Variants in PKHD1L1 observed in about 807,000 individuals in gnomAD.
The protein encoded by PKHD1L1 is PKHD1 like 1, also known as fibrocystin-L.
PKHD1L1 carries 434 observed loss-of-function variants against 462.9 expected under a neutral mutation model. The ratio of observed to expected loss-of-function variants is 0.94; its 90% CI spans 0.87 to 1.02. The LOEUF (loss-of-function observed/expected upper bound fraction) is 1.02. Among genes scored for constraint, PKHD1L1 ranks in the 50% least tolerant of loss-of-function variants. The pLI is 0.00. For missense variants in PKHD1L1, 5,202 were observed against 5,096.1 expected (o/e 1.02, Z -0.63); for synonymous variants, 1,781 against 1,750.0 (o/e 1.02, Z -0.44).
rs763756294 is a variant in PKHD1L1, at chr8:109,456,241, CAG to C, written c.6875-20_6875-19del. On this transcript the variant is annotated intron_variant, in intron 45 of 77. Coordinates refer to ENST00000378402, the MANE Select transcript of PKHD1L1 (RefSeq NM_177531.6). The stretch of plus-strand genomic sequence containing the variant: ...AATCAAACACATGTAAGGAAATACT[CAG>C]TGTGTATGTTGGTTCTAGGTGTGCC... 1.3e-6 allele frequency: 2 copies of C among 1,593,660 alleles called. No individual in the cohort carries two copies. Among genetic ancestry groups the C allele is most frequent in the Non-Finnish European group, 1.7e-6 (2 of 1,172,388 alleles).
At chr8:109,458,629 C>G (rs1296164930) in intron 46 of PKHD1L1, among the ~76,000 whole-genome samples, 1 of 152,040 alleles carries the variant, frequency 6.6e-6, no homozygotes, top group African/African-American at 2.4e-5. Context: ...GTTGAGAGAG[C>G]TGCTTTGAAT....
intron 16 of PKHD1L1, among the ~76,000 whole-genome samples, chr8:109,405,884 TTCA>T (rs1160602777): frequency 3.3e-5 from 5 of 152,138 alleles, no homozygotes; most frequent in Non-Finnish European, 5.9e-5. Context: ...AGGAATTAAA[TTCA>T]TCATTGCACA....
Position 109,485,147 on chromosome 8 carries a change from A to G in PKHD1L1, c.9680A>G (p.Asn3227Ser). ...CATGATCATAAAATTCTCATTCTTA[A>G]TGATAGCCTTTCCTATACTCACTTT... ...ILHDHKILIL[N>S]DSLSYTHFAE... is the part of the protein sequence containing the mutation. Residue 3227 changes from asparagine to serine, a missense_variant, in exon 58 of 78, where the codon AAT becomes AGT. Coordinates refer to ENST00000378402, the MANE Select transcript of PKHD1L1 (RefSeq NM_177531.6). The G allele has an allele frequency of 1.3e-6, 2 of 1,593,886 alleles. No homozygotes were observed. Among genetic ancestry groups the G allele is most frequent in the Non-Finnish European group, 1.7e-6 (2 of 1,169,082 alleles).
Position 109,429,998 on chromosome 8 carries a change from A to G in PKHD1L1, c.3190A>G (p.Asn1064Asp). ...SGDCGFTWDS[N>D]ITPLVLAISP... is the part of the protein sequence containing the mutation. ...TGACTGTGGATTTACATGGGATTCC[A>G]ACATTACTCCCCTAGTCTTGGCGAT... Residue 1064 changes from asparagine (N) to aspartate (D), a missense_variant, in exon 27 of 78, where the codon AAC (asparagine) becomes GAC (aspartate). Physicochemically the swap from Asn to Asp is conservative, Grantham distance 23. This residue lies in a region of PKHD1L1 where 4,497 missense variants were observed against 4,336.8 expected (regional missense o/e 1.04). Coordinates refer to ENST00000378402, the MANE Select transcript of PKHD1L1 (RefSeq NM_177531.6). The G allele has an allele frequency of 6.2e-7, 1 of 1,611,988 alleles. No homozygotes were observed. Among genetic ancestry groups the G allele is most frequent in the Non-Finnish European group, 8.5e-7 (1 of 1,179,178 alleles).
intron 50 of PKHD1L1, among the ~76,000 whole-genome samples, chr8:109,474,223 C>G (rs567970309): frequency 6.6e-6 from 1 of 152,216 alleles, no homozygotes; most frequent in South Asian, 2.1e-4. Context: ...ATTTTATAAT[C>G]TTGCTTCTAG....
chr8:109,469,890 A>G (rs2130851201), intron 50 of PKHD1L1, among the ~76,000 whole-genome samples: 1 of 152,340 alleles, frequency 6.6e-6, no homozygotes, highest in South Asian at 2.1e-4. Flanking sequence ...AAAGTAACCA[A>G]AACATCAAAA....
At chr8:109,412,073 G>T (rs538481244) in intron 19 of PKHD1L1, among the ~76,000 whole-genome samples, 192 bp from the exon 20 acceptor site, 1 of 152,104 alleles carries the variant, frequency 6.6e-6, no homozygotes, top group Non-Finnish European at 1.5e-5. Context: ...TCAAATACTG[G>T]TATAAAGGAT....
At chr8:109,386,611 T>C (rs1812457259) in intron 6 of PKHD1L1, among the ~76,000 whole-genome samples, 1 of 152,190 alleles carries the variant, frequency 6.6e-6, no homozygotes, top group African/African-American at 2.4e-5. Flanking sequence ...CTATAATTTC[T>C]GAAAATATTC....
At chr8:109,472,483 A>G (rs2130859015) in intron 50 of PKHD1L1, among the ~76,000 whole-genome samples, 1 of 152,246 alleles carries the variant, frequency 6.6e-6, no homozygotes, top group East Asian at 1.9e-4. Context: ...GTTTCTCTGC[A>G]CCCTTTCATC....
intron 21 of PKHD1L1, among the ~76,000 whole-genome samples, chr8:109,415,731 C>A (rs565327240): frequency 6.6e-6 from 1 of 151,822 alleles, no homozygotes; most frequent in African/African-American, 2.4e-5. Context: ...CACCTGTGGT[C>A]CCAGGTACTC....
chr8:109,376,918 A>G (rs1811866244), intron 2 of PKHD1L1, among the ~76,000 whole-genome samples: 1 of 152,192 alleles, frequency 6.6e-6, no homozygotes, highest in Admixed American at 6.5e-5. Context: ...GGGCCTTTTC[A>G]ATTAAACATC....
intron 26 of PKHD1L1, 149 bp from the exon 27 acceptor site, chr8:109,429,783 A>C (rs1246091696): frequency 3.1e-6 from 2 of 655,560 alleles, no homozygotes; most frequent in Non-Finnish European, 5.2e-6. Flanking sequence ...AAGGGCAAAA[A>C]TGAATGAAAT....
In PKHD1L1 at chr8:109,461,804, A is replaced by C; in HGVS notation, c.7279A>C (p.Lys2427Gln). 1 of 1,609,566 alleles carries C rather than the reference A, an allele frequency of 6.2e-7. No individual in the cohort carries two copies. The highest frequency in any genetic ancestry group is 2.2e-5 in the East Asian group (1 of 44,766). The part of the protein sequence containing the change: ...EFATQTCLQG[K>Q]FGEEIGSDQF... ...TGCTACACAGACCTGTCTCCAAGGA[A>C]AGTTTGGAGAAGAAATAGGAAGTGA... is the stretch of plus-strand genomic sequence containing the variant. The change falls in exon 48 of 78, where the codon AAG becomes CAG. Residue 2427 changes from lysine (K) to glutamine (Q), a missense_variant. Lys to Gln is a moderately conservative substitution (Grantham distance 53, BLOSUM62 1). Around this residue, in one of 3 missense-constraint regions of PKHD1L1, gnomAD observed 4,497 missense variants for 4,336.8 expected, o/e 1.04. Transcript: ENST00000378402.
intron 76 of PKHD1L1, 133 bp downstream of exon 76, chr8:109,523,519 T>G: frequency 2.4e-6 from 2 of 837,042 alleles, no homozygotes; most frequent in Non-Finnish European, 3.4e-6. Flanking sequence ...TATTTTGCCT[T>G]GTTTCAGAAA....
intron 23 of PKHD1L1, among the ~76,000 whole-genome samples, chr8:109,421,645 G>T (rs1027515538): frequency 6.6e-6 from 1 of 152,176 alleles, no homozygotes; most frequent in Non-Finnish European, 1.5e-5. Flanking sequence ...TTAGCCGGGC[G>T]TGGTGGCGGG....
intron 38 of PKHD1L1, 37 bp downstream of exon 38, chr8:109,445,682 G>T: frequency 1.3e-6 from 2 of 1,498,940 alleles, no homozygotes; most frequent in Non-Finnish European, 1.8e-6. Flanking sequence ...TGATATTATA[G>T]TATCGATAAT....
chr8:109,437,906 G>T (rs1325664926), intron 30 of PKHD1L1, among the ~76,000 whole-genome samples: 25 of 152,050 alleles, frequency 1.6e-4, no homozygotes, highest in Admixed American at 1.5e-3. Flanking sequence ...TTGGATTTTG[G>T]AGTGAGGTCT....
At chr8:109,419,980 C>A (rs899170798) in intron 22 of PKHD1L1, among the ~76,000 whole-genome samples, 2 of 151,954 alleles carry the variant, frequency 1.3e-5, no homozygotes, top group South Asian at 4.1e-4. Flanking sequence ...ACCAGACTTA[C>A]ATTATGATTG....
intron 59 of PKHD1L1, 114 bp downstream of exon 59, chr8:109,486,935 G>A (rs1285894613): frequency 4.4e-6 from 5 of 1,138,682 alleles, no homozygotes; most frequent in Non-Finnish European, 6.1e-6. Flanking sequence ...GGAAAATAAA[G>A]CATTAAAAGT....
Sources: gnomAD v4.1 joint callset for allele counts (sites outside exome capture counted in the v4.1 genomes callset) on GRCh38, gnomAD v4.1.1 for gene constraint, gnomAD v4.1.1 regional missense constraint, MANE v1.5 for transcripts, NCBI Gene and HGNC (gene_info 2026-07-23, HGNC 2026-07-21) for gene names.